TTBK1: variants seen among roughly 807,000 people sequenced by gnomAD.
TTBK1 encodes tau tubulin kinase 1, also known as tau-tubulin kinase 1.
Under a neutral mutation model 108.5 loss-of-function variants are expected in TTBK1, and 34 were observed. The ratio of observed to expected loss-of-function variants is 0.31; its 90% CI spans 0.24 to 0.42. TTBK1 has a LOEUF of 0.42. TTBK1 is among the 10% of genes least tolerant of loss of function. The pLI is 1.00. For missense variants in TTBK1, 1,539 were observed against 1,826.0 expected (o/e 0.84, Z 2.86); for synonymous variants, 809 against 795.1 (o/e 1.02, Z -0.29).
chr6:43,263,258 C>A lies in TTBK1; in HGVS notation c.1894C>A (p.Pro632Thr), dbSNP rs768201476. ...CGATGGCCGTTCCGAGACGTCACAG[C>A]CCCCCACGCCTGGCAGCCCTTCCCA... ...QGDGRSETSQ[P>T]PTPGSPSHSP... The change falls in exon 13 of 15, where the codon CCC becomes ACC. Residue 632 changes from proline (P) to threonine (T), a missense_variant. This residue lies in a region of TTBK1 where 1,055 missense variants were observed against 1,086.5 expected (regional missense o/e 0.97). Coordinates refer to ENST00000259750, the MANE Select transcript of TTBK1 (RefSeq NM_032538.3). This position sits in a 1 kb window ranked among gnomAD's most constrained non-coding sequence, Gnocchi z 4.7. The A allele has an allele frequency of 6.5e-6, 10 of 1,544,010 alleles. No individual in the cohort carries two copies. Among genetic ancestry groups the A allele is most frequent in the Admixed American group, 5.9e-5 (3 of 50,476 alleles).
In TTBK1 at chr6:43,283,740, G is replaced by A. The variant is rs1369168259; in HGVS notation, c.3000G>A (p.Gly1000=). The part of the protein sequence containing the change: ...GAEIEGSALS[G]APRETPSEMA... ...AGATAGAGGGCTCTGCCCTGTCTGG[G>A]GCCCCCCGGGAAACCCCCTCAGAGA... Residue 1000 remains glycine, a synonymous_variant, in exon 14 of 15, where the codon GGG becomes GGA. Coordinates refer to ENST00000259750, the MANE Select transcript of TTBK1 (RefSeq NM_032538.3). This position sits in a 1 kb window ranked among gnomAD's most constrained non-coding sequence, Gnocchi z 8.1. 3 of 1,613,772 alleles carry A rather than the reference G, an allele frequency of 1.9e-6. No individual in the cohort carries two copies. The Admixed American group carries it at 5.0e-5, about 27-fold the overall frequency.
rs1464570922 is a variant in TTBK1 at position 43,265,918 on chromosome 6, G to C, written c.1986+2568G>C. ...ATCTCTAAAGTTTTTCTTACCTGCAGATTCCTACCTGTGTCCTGGGACTCA... is the reference window on the plus strand; with the variant it reads ...ATCTCTAAAGTTTTTCTTACCTGCACATTCCTACCTGTGTCCTGGGACTCA... On this transcript the variant is annotated intron_variant, in intron 13 of 14. Coordinates refer to ENST00000259750, the MANE Select transcript of TTBK1 (RefSeq NM_032538.3). This position sits in a 1 kb window ranked among gnomAD's most constrained non-coding sequence, Gnocchi z 4.1. Among the ~76,000 whole-genome samples the C allele has an allele frequency of 6.6e-6, 1 of 152,124 alleles. No homozygotes were observed. Among genetic ancestry groups the C allele is most frequent in the Non-Finnish European group, 1.5e-5 (1 of 68,020 alleles).
At chr6:43,254,800 G>A (rs1777341212) in intron 6 of TTBK1, 149 bp downstream of exon 6, 3 of 761,214 alleles carry the variant, frequency 3.9e-6, no homozygotes, top group East Asian at 2.7e-5. Flanking sequence ...GTCCACACTC[G>A]GCCTGTCCCC....
intron 13 of TTBK1, among the ~76,000 whole-genome samples, chr6:43,264,263 A>T (rs1464743146): frequency 6.6e-6 from 1 of 152,042 alleles, no homozygotes; most frequent in Non-Finnish European, 1.5e-5. Flanking sequence ...CCTGCCTGTA[A>T]TCCCAGCTAC....
Position 43,253,817 on chromosome 6 carries a change from T to C in TTBK1, c.471+109T>C, listed in dbSNP as rs1777313833. The C allele has an allele frequency of 7.2e-7, 1 of 1,383,064 alleles. No homozygotes were observed. The highest frequency in any genetic ancestry group is 1.4e-5 in the African/African-American group (1 of 68,966). 85.7% of individuals were successfully genotyped at this position (1,383,064 alleles called of 1,614,324 possible). A position where few individuals can be genotyped will look rare whatever the true frequency, so the allele number is the denominator to read the frequency against. ...CTGCAACCATGGTTGGGACTTGTGA[T>C]GGGACAGCCTCTTCTCCCCAAGCCC... On this transcript the variant is annotated intron_variant, in intron 5 of 14. Coordinates refer to ENST00000259750, the MANE Select transcript of TTBK1 (RefSeq NM_032538.3). This position sits in a 1 kb window ranked among gnomAD's most constrained non-coding sequence, Gnocchi z 5.8.
intron 13 of TTBK1, chr6:43,270,101 A>C (rs963940971): frequency 2.9e-5 from 40 of 1,396,388 alleles, no homozygotes; most frequent in Non-Finnish European, 3.4e-5. Flanking sequence ...ACGTTGGCCC[A>C]AGGTACTGTA....
intron 13 of TTBK1, chr6:43,270,246 C>T (rs1397236832): frequency 8.2e-7 from 1 of 1,222,282 alleles, no homozygotes; most frequent in East Asian, 4.0e-5. Flanking sequence ...CAGCTGGAGC[C>T]ACTGATGGGT....
chr6:43,281,054 G>T (rs548614820), intron 13 of TTBK1, among the ~76,000 whole-genome samples: 8 of 152,230 alleles, frequency 5.3e-5, no homozygotes, highest in Admixed American at 3.3e-4. Flanking sequence ...GGCTGGGTGG[G>T]GGATTCATGG....
chr6:43,246,804 G>T, intron 2 of TTBK1, 36 bp downstream of exon 2: 7 of 1,561,228 alleles, frequency 4.5e-6, no homozygotes, highest in Non-Finnish European at 6.1e-6. Context: ...AGGGAGGGTA[G>T]CGGGGAGGGA....
intron 2 of TTBK1, among the ~76,000 whole-genome samples, chr6:43,249,337 G>T (rs915638110): frequency 1.3e-5 from 2 of 152,114 alleles, no homozygotes; most frequent in Admixed American, 6.5e-5. Context: ...AGGTCCTTCA[G>T]CAGGGGCTGA....
Position 43,285,132 on chromosome 6 carries a change from C to G in TTBK1, c.3722C>G (p.Ala1241Gly). The change falls in exon 15 of 15, where the codon GCC becomes GGC. Residue 1241 changes from alanine to glycine, a missense_variant. Physicochemically the swap from Ala to Gly is moderately conservative, Grantham distance 60. Transcript: ENST00000259750. This position sits in a 1 kb window ranked among gnomAD's most constrained non-coding sequence, Gnocchi z 4.7. ...CCGCGCCTCCCCGCGTCCACATCCG[C>G]CGCGCGCAATGCCAGCGCGTCCCCC... ...RSPRLPASTSAARNASASPRS... is the reference protein window; with the variant it reads ...RSPRLPASTSGARNASASPRS... The G allele has an allele frequency of 6.9e-7, 1 of 1,452,874 alleles. No individual in the cohort carries two copies. The highest frequency in any genetic ancestry group is 9.0e-7 in the Non-Finnish European group (1 of 1,110,316). 90.0% of individuals were successfully genotyped at this position (1,452,874 alleles called of 1,614,324 possible). A position where few individuals can be genotyped will look rare whatever the true frequency, so the allele number is the denominator to read the frequency against.
chr6:43,272,050 A>G, intron 13 of TTBK1: 2 of 985,488 alleles, frequency 2.0e-6, no homozygotes, highest in Non-Finnish European at 2.4e-6. Context: ...GGTGAGGCTG[A>G]ACAGTGGCCC....
At position 43,246,687 on chromosome 6, in the gene TTBK1, G is replaced by C. The variant is rs751441680; in HGVS notation, c.27G>C (p.Lys9Asn). ...TGCAGTGCCTAGCGGCCGCCCTTAA[G>C]GACGAAACCAACATGAGTGGGGGAG... MQCLAAAL[K>N]DETNMSGGGE... Residue 9 changes from lysine (K) to asparagine (N), a missense_variant, in exon 2 of 15, where the codon AAG (lysine) becomes AAC (asparagine). Lys to Asn is a moderately conservative substitution (Grantham distance 94). Coordinates refer to ENST00000259750, the MANE Select transcript of TTBK1 (RefSeq NM_032538.3). 3.1e-6 allele frequency: 5 copies of C among 1,611,370 alleles called. No homozygotes were observed. The highest frequency in any genetic ancestry group is 1.7e-5 in the Admixed American group (1 of 59,688).
chr6:43,246,820 G>A lies in TTBK1; in HGVS notation c.108+52G>A, dbSNP rs1391709226. On this transcript the variant is annotated intron_variant, in intron 2 of 14. Coordinates refer to ENST00000259750, the MANE Select transcript of TTBK1 (RefSeq NM_032538.3). ...GGGAGGGTAGCGGGGAGGGAGGCGA[G>A]GACCTGGAGACTTGTTAAAACCGGT... The A allele has an allele frequency of 2.7e-6, 4 of 1,474,148 alleles. 1 individual carries two copies. The highest frequency in any genetic ancestry group is 2.5e-5 in the South Asian group (2 of 80,666). 91.3% of individuals were successfully genotyped at this position (1,474,148 alleles called of 1,614,324 possible).
rs1363643206 is a variant in TTBK1, at chr6:43,285,385, G to C, written c.*9G>C. On this transcript the variant is annotated 3_prime_UTR_variant, in exon 15 of 15. Coordinates refer to ENST00000259750, the MANE Select transcript of TTBK1 (RefSeq NM_032538.3). The surrounding 1 kb of genome is among the most constrained non-coding windows in gnomAD (Gnocchi z 4.7). ...GGGCTGGGGCCAGATAATGACGCCCGCTGCTCTCCGCGGTCCCCCACCCTC... is the reference window on the plus strand; with the variant it reads ...GGGCTGGGGCCAGATAATGACGCCCCCTGCTCTCCGCGGTCCCCCACCCTC... The C allele has an allele frequency of 1.6e-6, 2 of 1,272,094 alleles. No homozygotes were observed. Among genetic ancestry groups the C allele is most frequent in the South Asian group, 3.0e-5 (1 of 32,932 alleles). The allele number at this position is 1,272,094 out of a possible 1,614,324, so 78.8% of individuals were successfully genotyped here. A position where few individuals can be genotyped will look rare whatever the true frequency, so the allele number is the denominator to read the frequency against.
intron 2 of TTBK1, among the ~76,000 whole-genome samples, chr6:43,252,494 G>C (rs1182787090): frequency 6.6e-6 from 1 of 151,998 alleles, no homozygotes; most frequent in Non-Finnish European, 1.5e-5. Context: ...GGGCATGGTG[G>C]TGTGCACCTG....
chr6:43,283,718 T>C lies in TTBK1; in HGVS notation c.2978T>C (p.Ile993Thr). ...CTGTCAGGGCTGAATGGGGCTGAGA[T>C]AGAGGGCTCTGCCCTGTCTGGGGCC... ...LALSGLNGAE[I>T]EGSALSGAPR... is the part of the protein sequence containing the mutation. The change falls in exon 14 of 15, where the codon ATA becomes ACA. Residue 993 changes from isoleucine to threonine, a missense_variant. By Grantham distance (89) the Ile-to-Thr change is moderately conservative. Coordinates refer to ENST00000259750, the MANE Select transcript of TTBK1 (RefSeq NM_032538.3). This position sits in a 1 kb window ranked among gnomAD's most constrained non-coding sequence, Gnocchi z 8.1. The C allele has an allele frequency of 6.2e-7, 1 of 1,613,774 alleles. No individual in the cohort carries two copies. Among genetic ancestry groups the C allele is most frequent in the Non-Finnish European group, 8.5e-7 (1 of 1,179,824 alleles).
intron 10 of TTBK1, among the ~76,000 whole-genome samples, chr6:43,258,345 TTTGAAA>T (rs1389473025): frequency 6.6e-6 from 1 of 152,110 alleles, no homozygotes; most frequent in Non-Finnish European, 1.5e-5. Context: ...GTCTGGGATG[TTTGAAA>T]TCGATGGGTC....
chr6:43,246,873 A>C (rs1777104013), intron 2 of TTBK1, 105 bp downstream of exon 2: 1 of 837,554 alleles, frequency 1.2e-6, no homozygotes, highest in Non-Finnish European at 1.9e-6. Flanking sequence ...CCTAAGAGGG[A>C]GGTGCCTCTA....
Sources: allele counts gnomAD v4.1 joint callset (sites outside exome capture counted in the v4.1 genomes callset), GRCh38; gene constraint gnomAD v4.1.1; regional missense constraint gnomAD v4.1.1; non-coding constraint Gnocchi (gnomAD v3.1); transcripts MANE v1.5; gene names NCBI Gene and HGNC (gene_info 2026-07-23, HGNC 2026-07-21).